Variants in PEPD observed in about 807,000 individuals in gnomAD.
PEPD encodes the protein peptidase D.
Under a neutral mutation model 60.7 loss-of-function variants are expected in PEPD, and 53 were observed. The observed-to-expected ratio is 0.87, with a 90% CI of 0.70 to 1.10. The LOEUF (loss-of-function observed/expected upper bound fraction) is 1.10. PEPD is among the 50% of genes least tolerant of loss of function. The pLI, the probability that PEPD is intolerant of heterozygous loss-of-function variation, is 0.00. For missense variants in PEPD, 711 were observed against 711.9 expected (o/e 1.00, Z 0.01); for synonymous variants, 267 against 284.1 (o/e 0.94, Z 0.60).
At chr19:33,437,760 T>TG (rs554058642) in intron 9 of PEPD, among the ~76,000 whole-genome samples, 37 of 152,114 alleles carry the variant, frequency 2.4e-4, no homozygotes, top group South Asian at 1.5e-3. Flanking sequence ...GGAGGAGACT[T>TG]GGGGGGGCGG....
chr19:33,444,348 G>C (rs1465115917), intron 9 of PEPD, among the ~76,000 whole-genome samples: 2 of 152,100 alleles, frequency 1.3e-5, no homozygotes, highest in South Asian at 4.1e-4. Context: ...TAGGCTGTGG[G>C]CAGAGCCTCA....
intron 9 of PEPD, among the ~76,000 whole-genome samples, chr19:33,441,492 G>T (rs1053512395): frequency 2.0e-5 from 3 of 152,226 alleles, no homozygotes; most frequent in Admixed American, 6.5e-5. Context: ...AGACCTGCAC[G>T]TCTTTGCGCC....
chr19:33,434,356 T>C (rs1969334730), intron 9 of PEPD, among the ~76,000 whole-genome samples: 1 of 152,062 alleles, frequency 6.6e-6, no homozygotes, highest in East Asian at 1.9e-4. Flanking sequence ...CATGGAATGC[T>C]TGGTTTTGTG....
At chr19:33,440,696 C>T (rs1463359989) in intron 9 of PEPD, among the ~76,000 whole-genome samples, 2 of 152,148 alleles carry the variant, frequency 1.3e-5, no homozygotes, top group Non-Finnish European at 2.9e-5. Context: ...TACTGCCGTC[C>T]CCGCTTTTAT....
At chr19:33,498,482 C>CA (rs1460650178) in intron 4 of PEPD, among the ~76,000 whole-genome samples, 1 of 152,202 alleles carries the variant, frequency 6.6e-6, no homozygotes, top group African/African-American at 2.4e-5. Flanking sequence ...AATTTTCCCC[C>CA]AGTTATAAAG....
chr19:33,494,454 T>C lies in PEPD; in HGVS notation c.394-1117A>G, dbSNP rs575399146. Among the ~76,000 whole-genome samples, 37 of 152,348 alleles carry C rather than the reference T, an allele frequency of 2.4e-4. No homozygotes were observed. The South Asian group carries it at 6.0e-3, about 25-fold the overall frequency. ...GCCTCCCAAGAAAACCTGGAACGTA[T>C]TGAAAACTATAAAAAGATAAAATGC... On this transcript the variant is annotated intron_variant, in intron 4 of 14. Coordinates refer to ENST00000244137, the MANE Select transcript of PEPD (RefSeq NM_000285.4).
At chr19:33,398,779 G>A (rs1045688248) in intron 12 of PEPD, among the ~76,000 whole-genome samples, 2 of 152,228 alleles carry the variant, frequency 1.3e-5, no homozygotes, top group African/African-American at 2.4e-5. Context: ...GAGTCAGAAA[G>A]AATAAGAAGG....
intron 9 of PEPD, among the ~76,000 whole-genome samples, chr19:33,436,875 C>A (rs867904259): frequency 6.6e-6 from 1 of 152,184 alleles, no homozygotes; most frequent in African/African-American, 2.4e-5. Flanking sequence ...TCGCTCACAG[C>A]ACTAGCAAGG....
intron 6 of PEPD, among the ~76,000 whole-genome samples, chr19:33,482,231 T>C (rs1245336397): frequency 2.0e-5 from 3 of 152,132 alleles, no homozygotes; most frequent in Non-Finnish European, 4.4e-5. Flanking sequence ...AAAAAGGATA[T>C]ATATACATCA....
chr19:33,432,279 A>G (rs1370507594), intron 9 of PEPD, among the ~76,000 whole-genome samples: 1 of 152,212 alleles, frequency 6.6e-6, no homozygotes, highest in African/African-American at 2.4e-5. Flanking sequence ...CTCTGGAATC[A>G]GATTCTTTGG....
At chr19:33,394,053 T>A (rs541178323) in intron 12 of PEPD, among the ~76,000 whole-genome samples, 1 of 152,356 alleles carries the variant, frequency 6.6e-6, no homozygotes, top group African/African-American at 2.4e-5. Context: ...TTGCTTCTCA[T>A]GTCTCACTCC....
chr19:33,503,464 C>T (rs1018062178), intron 3 of PEPD, among the ~76,000 whole-genome samples: 21 of 152,298 alleles, frequency 1.4e-4, no homozygotes, highest in African/African-American at 4.3e-4. Flanking sequence ...AGCACGGCCT[C>T]GAGCAGTTAT....
intron 6 of PEPD, among the ~76,000 whole-genome samples, chr19:33,486,556 C>T (rs1600154198): frequency 1.3e-5 from 2 of 152,128 alleles, no homozygotes; most frequent in Admixed American, 6.5e-5. Flanking sequence ...CCACCACCCT[C>T]AGCCCACCTC....
chr19:33,472,439 G>A (rs1205732967), intron 7 of PEPD, among the ~76,000 whole-genome samples: 1 of 152,210 alleles, frequency 6.6e-6, no homozygotes, highest in Non-Finnish European at 1.5e-5. Context: ...TCATGGCCAC[G>A]CTGTGGGCAT....
In PEPD at chr19:33,464,074, GA is replaced by G; in HGVS notation, c.549-13del. 3 of 1,602,950 alleles carry G rather than the reference GA, an allele frequency of 1.9e-6. No individual in the cohort carries two copies. Among genetic ancestry groups the G allele is most frequent in the Non-Finnish European group, 2.6e-6 (3 of 1,170,300 alleles). On this transcript the variant is annotated splice_polypyrimidine_tract_variant and intron_variant, in intron 7 of 14. Coordinates refer to ENST00000244137, the MANE Select transcript of PEPD (RefSeq NM_000285.4). ...TCTTAAACACTCGGCTTCAGAGACAGAAGAACAAAGCAGCAAATCAGTGACT... is the reference window on the plus strand; with the variant it reads ...TCTTAAACACTCGGCTTCAGAGACAGAGAACAAAGCAGCAAATCAGTGACT...
chr19:33,403,978 C>T (rs555423163), intron 11 of PEPD, among the ~76,000 whole-genome samples: 6 of 152,162 alleles, frequency 3.9e-5, no homozygotes, highest in Admixed American at 2.6e-4. Context: ...CACGGCTGGC[C>T]GGGAAGGCGG....
chr19:33,428,481 G>A (rs1344582262), intron 9 of PEPD, among the ~76,000 whole-genome samples: 2 of 152,188 alleles, frequency 1.3e-5, no homozygotes, highest in Non-Finnish European at 2.9e-5. Flanking sequence ...GGCTAGAGGG[G>A]TCTCAGTGGA....
intron 6 of PEPD, among the ~76,000 whole-genome samples, 161 bp downstream of exon 6, chr19:33,489,835 T>C (rs1970464328): frequency 6.6e-6 from 1 of 152,106 alleles, no homozygotes; most frequent in Non-Finnish European, 1.5e-5. Context: ...ATCAAGGTGA[T>C]TTTTGGCAAA....
intron 11 of PEPD, among the ~76,000 whole-genome samples, chr19:33,405,863 C>T (rs1235445064): frequency 3.9e-5 from 6 of 152,270 alleles, no homozygotes; most frequent in African/African-American, 7.2e-5. Flanking sequence ...CTGCCCATGC[C>T]GCCAGCCCAT....
Sources: gnomAD v4.1 joint callset for allele counts (sites outside exome capture counted in the v4.1 genomes callset) on GRCh38, gnomAD v4.1.1 for gene constraint, MANE v1.5 for transcripts, NCBI Gene and HGNC (gene_info 2026-07-23, HGNC 2026-07-21) for gene names.